Variants in CDC73 observed in about 807,000 individuals in gnomAD.
CDC73 encodes cell division cycle 73.
CDC73 carries 21 observed loss-of-function variants against 83.7 expected under a neutral mutation model. The observed-to-expected ratio is 0.25, with a 90% CI of 0.18 to 0.36. The LOEUF is 0.36. Among genes scored for constraint, CDC73 ranks in the 10% least tolerant of loss-of-function variants. CDC73 has a pLI of 1.00. For synonymous variants in CDC73, 224 were observed against 212.9 expected (o/e 1.05, Z -0.45); for missense variants, 342 against 653.3 (o/e 0.52, Z 5.19).
At chr1:193,178,891 G>T (rs1188411729) in intron 10 of CDC73, among the ~76,000 whole-genome samples, 1 of 152,058 alleles carries the variant, frequency 6.6e-6, no homozygotes, top group East Asian at 1.9e-4. Flanking sequence ...ATTGTTATTA[G>T]AATTAAGAAA....
intron 10 of CDC73, chr1:193,181,680 A>C (rs1676719660): frequency 1.0e-6 from 1 of 1,003,212 alleles, no homozygotes; most frequent in Non-Finnish European, 1.4e-6. Context: ...TCTTGTAGTC[A>C]TTCTATAAAA....
intron 10 of CDC73, among the ~76,000 whole-genome samples, chr1:193,152,912 C>T (rs1177869800): frequency 6.6e-6 from 1 of 152,104 alleles, no homozygotes. Context: ...CTGCGAGTAG[C>T]TGGGACTACA....
intron 10 of CDC73, among the ~76,000 whole-genome samples, chr1:193,154,028 T>C (rs558537169): frequency 6.6e-6 from 1 of 152,370 alleles, no homozygotes; most frequent in Admixed American, 6.5e-5. Flanking sequence ...TCTTATGCGA[T>C]CTGCCTGGTT....
chr1:193,150,176 TG>T, intron 8 of CDC73, 127 bp from the exon 9 acceptor site: 2 of 690,294 alleles, frequency 2.9e-6, no homozygotes, highest in Non-Finnish European at 5.3e-6. Context: ...AAGGCTGAGG[TG>T]GGAGGATCAC....
intron 14 of CDC73, among the ~76,000 whole-genome samples, chr1:193,234,664 T>C (rs891175724): frequency 3.3e-5 from 5 of 152,164 alleles, no homozygotes; most frequent in Admixed American, 2.6e-4. Context: ...AACATTTTTA[T>C]TCTGCTTCCG....
intron 13 of CDC73, among the ~76,000 whole-genome samples, chr1:193,226,225 G>A (rs1031777844): frequency 1.2e-4 from 18 of 152,144 alleles, no homozygotes; most frequent in Admixed American, 4.6e-4. Context: ...AGATCAGTTG[G>A]CAAAATACTT....
chr1:193,178,685 G>A (rs10921324), intron 10 of CDC73, among the ~76,000 whole-genome samples: 109,616 of 151,514 alleles, frequency 0.72, 39,905 homozygotes, highest in South Asian at 0.82. Flanking sequence ...TTAAGTGAAA[G>A]ACAGGCTTGA....
intron 10 of CDC73, among the ~76,000 whole-genome samples, chr1:193,162,430 T>G (rs1418997587): frequency 6.7e-6 from 1 of 148,598 alleles, no homozygotes; most frequent in Non-Finnish European, 1.5e-5. Flanking sequence ...TGGAGTGCAG[T>G]GGCATGATCT....
chr1:193,177,855 GA>G (rs1207154778), intron 10 of CDC73, among the ~76,000 whole-genome samples: 2 of 152,240 alleles, frequency 1.3e-5, no homozygotes, highest in South Asian at 2.1e-4. Flanking sequence ...TTATTTGGTT[GA>G]ATTAGAATTT....
chr1:193,249,240 G>T (rs963343552), intron 15 of CDC73, among the ~76,000 whole-genome samples: 3 of 152,030 alleles, frequency 2.0e-5, no homozygotes, highest in African/African-American at 7.2e-5. Flanking sequence ...AGGCTCAGAT[G>T]ATTGTTAGCA....
At chr1:193,237,759 C>T (rs953444383) in intron 15 of CDC73, among the ~76,000 whole-genome samples, 1 of 152,116 alleles carries the variant, frequency 6.6e-6, no homozygotes, top group Non-Finnish European at 1.5e-5. Context: ...GCATCCTCCT[C>T]GACGTCTGTG....
In CDC73 at chr1:193,125,169, A is replaced by G. The variant is rs1675542629; in HGVS notation, c.189A>G (p.Leu63=). The G allele has an allele frequency of 1.2e-6, 2 of 1,611,172 alleles. No homozygotes were observed. The highest frequency in any genetic ancestry group is 1.7e-6 in the Non-Finnish European group (2 of 1,177,274). ...ACACATTGGATTCCATTTTATTTCT[A>G]CTTAATAACGTGCACCTTTCTCATC... ...EYYTLDSILF[L]LNNVHLSHPV... Residue 63 remains leucine, a synonymous_variant, in exon 2 of 17, where the codon CTA becomes CTG. Transcript: ENST00000367435.
rs367704451 is a variant in CDC73, at chr1:193,251,795, A to T, written c.*1083A>T. 156 of 231,500 alleles carry T rather than the reference A, an allele frequency of 6.7e-4. 3 individuals carry two copies. In the South Asian group the frequency reaches 0.026, roughly 39 times the overall value. 14.3% of individuals were successfully genotyped at this position (231,500 alleles called of 1,614,324 possible). A position where few individuals can be genotyped will look rare whatever the true frequency, so the allele number is the denominator to read the frequency against. Reference sequence around the variant, plus strand: ...TTCTCTACTTCAGACAAAATGTTGCATCCAAGGTACATCAAGTGACCATTT... The same window carrying T: ...TTCTCTACTTCAGACAAAATGTTGCTTCCAAGGTACATCAAGTGACCATTT... On this transcript the variant is annotated 3_prime_UTR_variant, in exon 17 of 17. Coordinates refer to ENST00000367435, the MANE Select transcript of CDC73 (RefSeq NM_024529.5).
intron 10 of CDC73, among the ~76,000 whole-genome samples, chr1:193,177,358 C>CAAAGAA (rs1676624139): frequency 1.4e-5 from 1 of 69,544 alleles, no homozygotes; most frequent in Non-Finnish European, 2.6e-5. Flanking sequence ...ACTAAAAATA[C>CAAAGAA]AAAAAAAAAA....
intron 3 of CDC73, among the ~76,000 whole-genome samples, chr1:193,134,627 C>T (rs1675757343): frequency 2.6e-5 from 4 of 152,084 alleles, no homozygotes; most frequent in Non-Finnish European, 5.9e-5. Context: ...GCCAGGATCG[C>T]CACTGCACTC....
intron 15 of CDC73, among the ~76,000 whole-genome samples, chr1:193,238,671 A>G (rs1204572850): frequency 6.6e-6 from 1 of 152,220 alleles, no homozygotes; most frequent in African/African-American, 2.4e-5. Flanking sequence ...GGATGCCTTA[A>G]CTGATAACAT....
At chr1:193,162,653 G>A (rs1439305106) in intron 10 of CDC73, among the ~76,000 whole-genome samples, 1 of 151,982 alleles carries the variant, frequency 6.6e-6, no homozygotes, top group Non-Finnish European at 1.5e-5. Flanking sequence ...ACAGGCGTGA[G>A]CCACCACACC....
chr1:193,208,226 T>C (rs970405777), intron 11 of CDC73, among the ~76,000 whole-genome samples: 13 of 152,212 alleles, frequency 8.5e-5, no homozygotes, highest in Admixed American at 7.2e-4. Context: ...AATTTATCTA[T>C]TTTTCTTTAT....
chr1:193,159,581 CG>C, intron 10 of CDC73, among the ~76,000 whole-genome samples: 1 of 152,152 alleles, frequency 6.6e-6, no homozygotes, highest in South Asian at 2.1e-4. Flanking sequence ...AGGCTGGTTG[CG>C]AACTCCTGAC....
Sources: gnomAD v4.1 joint callset for allele counts (sites outside exome capture counted in the v4.1 genomes callset) on GRCh38, gnomAD v4.1.1 for gene constraint, MANE v1.5 for transcripts, NCBI Gene and HGNC (gene_info 2026-07-23, HGNC 2026-07-21) for gene names.